The following NMU variants were observed in gnomAD, a reference collection of about 807,000 sequenced individuals.
NMU encodes neuromedin-U.
A neutral mutation model predicts 35.4 loss-of-function variants in NMU; 29 were observed. That is an observed-to-expected ratio of 0.82 (90% confidence interval 0.61 to 1.12). The LOEUF (loss-of-function observed/expected upper bound fraction) is 1.12, where lower values mean the gene tolerates loss of function less well. Ranked by LOEUF, NMU falls within the 50% of genes most tolerant of loss-of-function variation. The pLI, the probability that NMU is intolerant of heterozygous loss-of-function variation, is 0.00. For synonymous variants in NMU, 78 were observed against 81.3 expected (o/e 0.96, Z 0.22); for missense variants, 199 against 206.2 (o/e 0.97, Z 0.21).
intron 6 of NMU, 115 bp from the exon 7 acceptor site, chr4:55,605,464 GAAAA>G (rs1733642656): frequency 1.3e-6 from 1 of 784,568 alleles, no homozygotes; most frequent in Non-Finnish European, 2.3e-6. Flanking sequence ...AGACAAAACA[GAAAA>G]TTAAAGATGT....
chr4:55,607,362 G>C lies in NMU; in HGVS notation c.310-14C>G, dbSNP rs761551866. 1.3e-5 allele frequency: 21 copies of C among 1,584,122 alleles called. No individual in the cohort carries two copies. The highest frequency in any genetic ancestry group is 1.8e-5 in the Non-Finnish European group (21 of 1,153,750). ...ATGAAATAAGAACTGTTTAAAAAAA[G>C]CAGTAAGTTTTACTATAAAAATTAA... On this transcript the variant is annotated splice_polypyrimidine_tract_variant and intron_variant, in intron 5 of 9. Transcript: ENST00000264218.
rs1734110123 is a variant in NMU at position 55,616,371 on chromosome 4, A to T, written c.186T>A (p.Cys62Ter). ...LQLWNEIDDT[C>*]SSFLSIDSQP... ...GAGAATCAATGGACAGAAAAGACGA[A>T]CAAGTATCATCTATCTGTAGAAAAC... The change falls in exon 3 of 10, where the codon TGT becomes TGA. Residue 62 changes from cysteine (C) to a stop codon, truncating the protein, a stop_gained. Transcript: ENST00000264218. LOFTEE classifies it high-confidence loss of function. The T allele has an allele frequency of 6.2e-7, 1 of 1,611,850 alleles. No homozygotes were observed. Among genetic ancestry groups the T allele is most frequent in the African/African-American group, 1.3e-5 (1 of 74,896 alleles).
chr4:55,599,707 T>C (rs908949192), intron 8 of NMU, among the ~76,000 whole-genome samples: 4 of 152,182 alleles, frequency 2.6e-5, no homozygotes, highest in Admixed American at 1.3e-4. Context: ...CCGATTCCCA[T>C]TGATGCTTCA....
intron 2 of NMU, among the ~76,000 whole-genome samples, chr4:55,628,479 GCCATTA>G (rs1350293324): frequency 2.4e-5 from 1 of 41,332 alleles, no homozygotes; most frequent in Non-Finnish European, 6.6e-5. Context: ...ATTTATTTCT[GCCATTA>G]TTATTATTAT....
rs536449834 is a variant in NMU, at chr4:55,602,920, A to C, written c.436-2345T>G. ...TATGTGTTTTTAAAAGTATCTGAAA[A>C]CTTTGGGTAGCACTTTAAGAAGAAT... On this transcript the variant is annotated intron_variant, in intron 7 of 9. Transcript: ENST00000264218. 2.6e-5 allele frequency among the ~76,000 whole-genome samples: 4 copies of C among 152,336 alleles called. No homozygotes were observed. In the South Asian group the frequency reaches 6.2e-4, roughly 24 times the overall value.
intron 2 of NMU, among the ~76,000 whole-genome samples, chr4:55,618,774 TCTTTCTTTCC>T (rs1734229728): frequency 6.6e-6 from 1 of 151,006 alleles, no homozygotes; most frequent in Non-Finnish European, 1.5e-5. Context: ...CTCTTTCTTC[TCTTTCTTTCC>T]CTTTCTTTCT....
intron 8 of NMU, among the ~76,000 whole-genome samples, chr4:55,600,321 T>A (rs1199080219): frequency 2.0e-5 from 3 of 152,000 alleles, no homozygotes; most frequent in Non-Finnish European, 1.5e-5. Flanking sequence ...GAGCAATAGG[T>A]CAAAGAAGAG....
chr4:55,635,948 G>T lies in NMU; in HGVS notation c.112+133C>A, dbSNP rs569697580. On this transcript the variant is annotated intron_variant, in intron 1 of 9. Coordinates refer to ENST00000264218, the MANE Select transcript of NMU (RefSeq NM_006681.4). ...CTGTGCCTGGGAGGCGGGAAACCCC[G>T]CGGCACCAGAGAAGCCAAGTGAAGT... The T allele has an allele frequency of 1.1e-5, 16 of 1,472,132 alleles. No homozygotes were observed. In the African/African-American group the frequency reaches 2.1e-4, roughly 20 times the overall value. The allele number at this position is 1,472,132 out of a possible 1,614,324, so 91.2% of individuals were successfully genotyped here.
intron 1 of NMU, among the ~76,000 whole-genome samples, chr4:55,632,593 G>C (rs994339705): frequency 6.6e-6 from 1 of 152,162 alleles, no homozygotes; most frequent in African/African-American, 2.4e-5. Flanking sequence ...TTATCTGGTA[G>C]ATCCTACCCT....
At chr4:55,626,731 A>G (rs1260998753) in intron 2 of NMU, among the ~76,000 whole-genome samples, 1 of 152,134 alleles carries the variant, frequency 6.6e-6, no homozygotes, top group Non-Finnish European at 1.5e-5. Flanking sequence ...AAACAAACAA[A>G]CAAAAAACCA....
chr4:55,628,804 C>T (rs549055818), intron 2 of NMU, among the ~76,000 whole-genome samples: 1 of 152,006 alleles, frequency 6.6e-6, no homozygotes, highest in South Asian at 2.1e-4. Flanking sequence ...TTATTATTTA[C>T]TTCATTCCTG....
intron 7 of NMU, among the ~76,000 whole-genome samples, chr4:55,601,881 A>G (rs1052016790): frequency 6.6e-6 from 1 of 151,866 alleles, no homozygotes; most frequent in African/African-American, 2.4e-5. Context: ...CCAGCTCCTC[A>G]GGCTCCTCAG....
At chr4:55,600,926 A>C (rs1733401251) in intron 7 of NMU, among the ~76,000 whole-genome samples, 1 of 152,158 alleles carries the variant, frequency 6.6e-6, no homozygotes, top group Non-Finnish European at 1.5e-5. Flanking sequence ...AGAATGAAAT[A>C]ATTTATTTAA....
At chr4:55,628,016 C>G (rs1187403465) in intron 2 of NMU, among the ~76,000 whole-genome samples, 1 of 152,162 alleles carries the variant, frequency 6.6e-6, no homozygotes, top group Non-Finnish European at 1.5e-5. Flanking sequence ...GTAAGCAGGC[C>G]TTGGCCAGTG....
intron 9 of NMU, among the ~76,000 whole-genome samples, chr4:55,598,184 T>C (rs1207011710): frequency 1.4e-5 from 2 of 144,408 alleles, no homozygotes; most frequent in Non-Finnish European, 3.0e-5. Flanking sequence ...CTCAAACTCC[T>C]GGGCTCAAGC....
chr4:55,636,363 G>T, upstream of NMU: 1 of 1,025,318 alleles, frequency 9.8e-7, no homozygotes, highest in Non-Finnish European at 1.3e-6. This position sits in a 1 kb window ranked among gnomAD's most constrained non-coding sequence, Gnocchi z 4.0. Context: ...CGCGGTCCCC[G>T]CCGCGCGTCA....
chr4:55,597,683 A>T (rs2110177997), intron 9 of NMU, among the ~76,000 whole-genome samples: 1 of 152,232 alleles, frequency 6.6e-6, no homozygotes, highest in South Asian at 2.1e-4. Flanking sequence ...TAGTTTCTAG[A>T]TAACATATTC....
intron 4 of NMU, among the ~76,000 whole-genome samples, chr4:55,608,475 C>A (rs1733794532): frequency 2.6e-5 from 4 of 152,008 alleles, no homozygotes; most frequent in Admixed American, 6.6e-5. Context: ...TACCAATCAC[C>A]ACAGATTAAG....
intron 2 of NMU, among the ~76,000 whole-genome samples, chr4:55,629,640 A>T (rs920159225): frequency 8.0e-6 from 1 of 124,262 alleles, no homozygotes; most frequent in Non-Finnish European, 1.7e-5. Flanking sequence ...AAAAAAAAAA[A>T]TTCCTGGGCG....
Sources: allele counts gnomAD v4.1 joint callset (sites outside exome capture counted in the v4.1 genomes callset), GRCh38; gene constraint gnomAD v4.1.1; non-coding constraint Gnocchi (gnomAD v3.1); transcripts MANE v1.5; gene names NCBI Gene and HGNC (gene_info 2026-07-23, HGNC 2026-07-21).